Variants in XPR1 observed in about 807,000 individuals in gnomAD.
XPR1 encodes the protein xenotropic and polytropic retrovirus receptor 1, also known as solute carrier family 53 member 1.
In XPR1, 28 loss-of-function variants were observed where a neutral mutation model predicts 87.5. The ratio of observed to expected loss-of-function variants is 0.32; its 90% confidence interval spans 0.24 to 0.44. The LOEUF (loss-of-function observed/expected upper bound fraction) is 0.44. Ranked by LOEUF, XPR1 falls within the 20% of genes least tolerant of loss-of-function variation. XPR1 has a pLI of 1.00. For missense variants in XPR1, 559 were observed against 862.3 expected (o/e 0.65, Z 4.41); for synonymous variants, 300 against 306.1 (o/e 0.98, Z 0.21).
chr1:180,692,481 A>G (rs1398120402), intron 2 of XPR1, among the ~76,000 whole-genome samples: 2 of 152,122 alleles, frequency 1.3e-5, no homozygotes, highest in Non-Finnish European at 2.9e-5. Flanking sequence ...ATTGATACTC[A>G]AAGTCATGTA....
rs1234839015 is a variant in XPR1, at chr1:180,708,919, G to C, written c.121+26508G>C. 3.6e-5 allele frequency among the ~76,000 whole-genome samples: 4 copies of C among 110,894 alleles called. No individual in the cohort carries two copies. In the South Asian group the frequency reaches 1.6e-3, roughly 45 times the overall value. The allele number at this position is 110,894 out of a possible 152,430, so 72.8% of individuals were successfully genotyped here. A position where few individuals can be genotyped will look rare whatever the true frequency, so the allele number is the denominator to read the frequency against. On this transcript the variant is annotated intron_variant, in intron 2 of 14. Transcript: ENST00000367590. ...GTTTTTTTTTTTTTTTGGGGGGGGG[G>C]GGGCGGGGGCGGGGACAAGTCTCGC...
intron 11 of XPR1, among the ~76,000 whole-genome samples, chr1:180,842,450 C>T (rs1248973072): frequency 6.6e-6 from 1 of 152,062 alleles, no homozygotes; most frequent in Non-Finnish European, 1.5e-5. Context: ...CTAGCACTCA[C>T]TTATATTAAA....
chr1:180,840,556 GTGTGTGTGTGTATA>G (rs1459058485), intron 11 of XPR1, among the ~76,000 whole-genome samples: 1 of 134,504 alleles, frequency 7.4e-6, no homozygotes, highest in African/African-American at 3.0e-5. Context: ...GTGTGTGTGT[GTGTGTGTGTGTATA>G]TATATATATA....
At chr1:180,670,751 A>AT (rs1656141301) in intron 1 of XPR1, among the ~76,000 whole-genome samples, 2 of 152,074 alleles carry the variant, frequency 1.3e-5, no homozygotes, top group African/African-American at 4.8e-5. Context: ...CTTTCATTTC[A>AT]TTTTGCAGGA....
intron 2 of XPR1, among the ~76,000 whole-genome samples, chr1:180,765,140 C>A (rs1290355678): frequency 2.6e-5 from 4 of 152,166 alleles, no homozygotes; most frequent in Non-Finnish European, 5.9e-5. Context: ...CAAGCATTGC[C>A]TCCTTTAATC....
intron 1 of XPR1, among the ~76,000 whole-genome samples, chr1:180,636,346 A>G (rs1399877772): frequency 6.6e-6 from 1 of 152,234 alleles, no homozygotes; most frequent in African/African-American, 2.4e-5. Context: ...AGTATAGTAT[A>G]GTGTGTTTAA....
intron 2 of XPR1, among the ~76,000 whole-genome samples, chr1:180,723,464 A>G (rs183948881): frequency 2.6e-5 from 4 of 152,298 alleles, no homozygotes; most frequent in Admixed American, 2.6e-4. Flanking sequence ...TATATATGTT[A>G]GCAGTTTTCT....
intron 1 of XPR1, among the ~76,000 whole-genome samples, chr1:180,656,023 C>T (rs1219162981): frequency 1.3e-5 from 2 of 151,696 alleles, no homozygotes; most frequent in African/African-American, 4.8e-5. Context: ...TATAGTCAAC[C>T]TGTTGTGTTA....
chr1:180,800,953 C>G (rs1649757906), intron 3 of XPR1, among the ~76,000 whole-genome samples: 2 of 152,092 alleles, frequency 1.3e-5, no homozygotes, highest in Non-Finnish European at 2.9e-5. Context: ...GCCACCAGAC[C>G]TGGAGTTTTT....
intron 1 of XPR1, among the ~76,000 whole-genome samples, chr1:180,664,087 C>T (rs1001921824): frequency 3.9e-5 from 6 of 152,176 alleles, no homozygotes; most frequent in Admixed American, 3.3e-4. Context: ...AGAGCCAAGA[C>T]TTGGTATTGG....
At chr1:180,682,606 A>G (rs146318065) in intron 2 of XPR1, among the ~76,000 whole-genome samples, 195 bp downstream of exon 2, 2 of 151,966 alleles carry the variant, frequency 1.3e-5, no homozygotes, top group Non-Finnish European at 2.9e-5. Flanking sequence ...CCTTTACCCT[A>G]TGACGGATCT....
chr1:180,667,284 C>T (rs543857469), intron 1 of XPR1, among the ~76,000 whole-genome samples: 1 of 152,154 alleles, frequency 6.6e-6, no homozygotes, highest in East Asian at 1.9e-4. Flanking sequence ...AGTTTCTATA[C>T]CTAGTCTTTT....
chr1:180,641,026 A>C (rs2101895371), intron 1 of XPR1, among the ~76,000 whole-genome samples: 1 of 152,344 alleles, frequency 6.6e-6, no homozygotes, highest in South Asian at 2.1e-4. Context: ...ATTGCTCATT[A>C]GTTTATATAA....
At chr1:180,822,377 G>T (rs1049115540) in intron 7 of XPR1, among the ~76,000 whole-genome samples, 2 of 152,124 alleles carry the variant, frequency 1.3e-5, no homozygotes, top group African/African-American at 4.8e-5. Context: ...TTTCCTTAAG[G>T]TCATCTCCTT....
intron 2 of XPR1, among the ~76,000 whole-genome samples, chr1:180,706,758 C>T (rs1487335588): frequency 6.6e-6 from 1 of 152,062 alleles, no homozygotes; most frequent in South Asian, 2.1e-4. Flanking sequence ...ATTACAGGTG[C>T]AAGCCACCAT....
chr1:180,887,568 T>C lies in XPR1; in HGVS notation c.*3502T>C, dbSNP rs960186053. On this transcript the variant is annotated 3_prime_UTR_variant, in exon 15 of 15. Coordinates refer to ENST00000367590, the MANE Select transcript of XPR1 (RefSeq NM_004736.4). The stretch of plus-strand genomic sequence containing the variant: ...TAGGTTATGATGGTCATTTGTAAGA[T>C]TGGAAAGTAGTCAAAAACCCATGTG... The C allele has an allele frequency of 1.3e-5, 2 of 152,220 alleles. No homozygotes were observed. Among genetic ancestry groups the C allele is most frequent in the African/African-American group, 4.8e-5 (2 of 41,458 alleles). The allele number at this position is 152,220 out of a possible 1,614,324, so 9.4% of individuals were successfully genotyped here. A position where few individuals can be genotyped will look rare whatever the true frequency, so the allele number is the denominator to read the frequency against.
intron 2 of XPR1, among the ~76,000 whole-genome samples, chr1:180,704,004 G>GT (rs1657455542): frequency 1.3e-5 from 2 of 151,614 alleles, no homozygotes; most frequent in Middle Eastern, 3.4e-3. Flanking sequence ...TTTTTGGTTT[G>GT]TCTTTTTACA....
chr1:180,832,166 A>G (rs1228429415), intron 9 of XPR1, among the ~76,000 whole-genome samples: 6 of 152,226 alleles, frequency 3.9e-5, no homozygotes, highest in Non-Finnish European at 7.3e-5. Context: ...GCATTCTTTC[A>G]TAAGTGTGTT....
intron 2 of XPR1, among the ~76,000 whole-genome samples, chr1:180,738,120 T>A (rs1343663761): frequency 6.6e-6 from 1 of 152,188 alleles, no homozygotes; most frequent in African/African-American, 2.4e-5. Flanking sequence ...CAAGTGATTC[T>A]CCTGCGTCAG....
Sources: gnomAD v4.1 joint callset for allele counts (sites outside exome capture counted in the v4.1 genomes callset) on GRCh38, gnomAD v4.1.1 for gene constraint, MANE v1.5 for transcripts, NCBI Gene and HGNC (gene_info 2026-07-23, HGNC 2026-07-21) for gene names.